The following COL25A1 variants were observed in gnomAD, a reference collection of about 807,000 sequenced individuals.
COL25A1 encodes the protein collagen type XXV alpha 1 chain, also known as collagen alpha-1(XXV) chain.
Under a neutral mutation model 128.4 loss-of-function variants are expected in COL25A1, and 103 were observed. The ratio of observed to expected loss-of-function variants is 0.80; its 90% confidence interval spans 0.68 to 0.94. The LOEUF is 0.94. Among genes scored for constraint, COL25A1 ranks in the 40% least tolerant of loss-of-function variants. COL25A1 has a pLI of 0.00. For synonymous variants in COL25A1, 279 were observed against 277.2 expected, an observed-to-expected ratio of 1.01 and a Z score of -0.06; for missense variants, 745 against 840.0, an observed-to-expected ratio of 0.89 and a Z score of 1.40.
intron 3 of COL25A1, among the ~76,000 whole-genome samples, chr4:109,260,136 T>C (rs1000937774): frequency 6.6e-6 from 1 of 152,226 alleles, no homozygotes; most frequent in African/African-American, 2.4e-5. Context: ...GCCTCCATTT[T>C]CTACATCAAT....
chr4:109,169,239 T>C (rs1277773583), intron 3 of COL25A1, among the ~76,000 whole-genome samples: 1 of 152,156 alleles, frequency 6.6e-6, no homozygotes, highest in Non-Finnish European at 1.5e-5. Flanking sequence ...CTTCTGTACA[T>C]ACAATTTACT....
At chr4:109,225,126 A>C (rs1778715527) in intron 3 of COL25A1, among the ~76,000 whole-genome samples, 1 of 152,200 alleles carries the variant, frequency 6.6e-6, no homozygotes, top group Non-Finnish European at 1.5e-5. Context: ...AGCTCTCATG[A>C]GGGTTAGACT....
intron 3 of COL25A1, among the ~76,000 whole-genome samples, chr4:109,079,690 A>T (rs981602467): frequency 2.0e-4 from 30 of 152,246 alleles, no homozygotes; most frequent in African/African-American, 6.5e-4. Context: ...TAAGAAAAAA[A>T]AATCTATCCA....
rs1773027208 is a variant in COL25A1 at position 109,165,891 on chromosome 4, T to C, written c.368-115712A>G. ...AGAAGAAGGCTTGTACATAAACAGTTGTTCAATATAAATGTTTATTGAGCT... is the reference window on the plus strand; with the variant it reads ...AGAAGAAGGCTTGTACATAAACAGTCGTTCAATATAAATGTTTATTGAGCT... On this transcript the variant is annotated intron_variant, in intron 3 of 37. Coordinates refer to ENST00000399132, the MANE Select transcript of COL25A1 (RefSeq NM_198721.4). Among the ~76,000 whole-genome samples, 4 of 152,198 alleles carry C rather than the reference T, an allele frequency of 2.6e-5. No homozygotes were observed. The South Asian group carries it at 8.3e-4, about 32-fold the overall frequency.
At chr4:108,893,104 G>T (rs1023401584) in intron 16 of COL25A1, among the ~76,000 whole-genome samples, 2 of 152,106 alleles carry the variant, frequency 1.3e-5, no homozygotes, top group Non-Finnish European at 2.9e-5. Context: ...AGTCAAAGAC[G>T]CATTTTCATA....
intron 3 of COL25A1, among the ~76,000 whole-genome samples, chr4:109,126,019 C>A (rs185724263): frequency 6.6e-6 from 1 of 151,974 alleles, no homozygotes; most frequent in African/African-American, 2.4e-5. Flanking sequence ...GCTTTTTACT[C>A]CTTCACCAAG....
chr4:109,300,842 T>C (rs1725445856), intron 2 of COL25A1, among the ~76,000 whole-genome samples, 190 bp from the exon 3 acceptor site: 1 of 152,202 alleles, frequency 6.6e-6, no homozygotes, highest in Non-Finnish European at 1.5e-5. Context: ...TGACCACTGA[T>C]AGGGTATCAA....
chr4:108,962,814 A>G (rs74697831), intron 8 of COL25A1, among the ~76,000 whole-genome samples: 54 of 152,276 alleles, frequency 3.5e-4, no homozygotes, highest in African/African-American at 1.2e-3. Context: ...GTTTCTCTCA[A>G]TATCAACATT....
intron 19 of COL25A1, among the ~76,000 whole-genome samples, chr4:108,876,395 T>G (rs1739460382): frequency 6.6e-6 from 1 of 152,068 alleles, no homozygotes; most frequent in Non-Finnish European, 1.5e-5. Flanking sequence ...CTTTCCACAT[T>G]ACCGTAAAAA....
At chr4:109,149,481 C>T (rs1771263023) in intron 3 of COL25A1, among the ~76,000 whole-genome samples, 1 of 151,990 alleles carries the variant, frequency 6.6e-6, no homozygotes, top group African/African-American at 2.4e-5. Context: ...CATAACAGTG[C>T]TGTGTACTGA....
chr4:109,216,634 G>A (rs754538077), intron 3 of COL25A1, among the ~76,000 whole-genome samples: 2 of 152,108 alleles, frequency 1.3e-5, no homozygotes, highest in Non-Finnish European at 2.9e-5. Context: ...GCCAAGAAAT[G>A]CCCGGTACTA....
intron 16 of COL25A1, 95 bp downstream of exon 16, chr4:108,896,572 C>A: frequency 1.0e-6 from 1 of 983,688 alleles, no homozygotes; most frequent in Non-Finnish European, 1.6e-6. Context: ...TATTAAGCAA[C>A]TCTCACTCAT....
At chr4:109,258,969 T>G (rs1302960350) in intron 3 of COL25A1, among the ~76,000 whole-genome samples, 1 of 152,224 alleles carries the variant, frequency 6.6e-6, no homozygotes, top group Non-Finnish European at 1.5e-5. Context: ...TCATTTTATG[T>G]GGCACTTATT....
intron 3 of COL25A1, among the ~76,000 whole-genome samples, chr4:109,122,095 A>G (rs535077053): frequency 1.8e-4 from 27 of 152,220 alleles, no homozygotes; most frequent in African/African-American, 6.3e-4. Flanking sequence ...GACAGCAAAA[A>G]GATTAGTAGC....
intron 3 of COL25A1, among the ~76,000 whole-genome samples, chr4:109,064,499 ATCTT>A (rs1253713722): frequency 1.3e-5 from 2 of 152,226 alleles, no homozygotes; most frequent in Non-Finnish European, 1.5e-5. Context: ...GGTTGTTTGT[ATCTT>A]TCTATCGATT....
intron 6 of COL25A1, among the ~76,000 whole-genome samples, chr4:109,008,036 T>C (rs906468094): frequency 2.0e-5 from 3 of 152,250 alleles, no homozygotes; most frequent in African/African-American, 7.2e-5. Flanking sequence ...CAAGTCTTTC[T>C]ATTCATATCT....
At chr4:109,285,224 C>T (rs779722580) in intron 3 of COL25A1, among the ~76,000 whole-genome samples, 7 of 152,256 alleles carry the variant, frequency 4.6e-5, no homozygotes, top group Admixed American at 1.3e-4. Context: ...TATCATAGTA[C>T]AGAGGTACTC....
At chr4:109,298,945 T>A (rs1411082328) in intron 3 of COL25A1, among the ~76,000 whole-genome samples, 2 of 152,176 alleles carry the variant, frequency 1.3e-5, no homozygotes, top group African/African-American at 4.8e-5. Context: ...CAAAATAATC[T>A]AAGATAATAT....
chr4:109,044,088 A>AGTGTGT (rs142400635), intron 5 of COL25A1, among the ~76,000 whole-genome samples: 3 of 149,564 alleles, frequency 2.0e-5, no homozygotes, highest in East Asian at 3.9e-4. Flanking sequence ...CTCCTCTGAT[A>AGTGTGT]GTGTGTGTGT....
Sources: gnomAD v4.1 joint callset for allele counts (sites outside exome capture counted in the v4.1 genomes callset) on GRCh38, gnomAD v4.1.1 for gene constraint, MANE v1.5 for transcripts, NCBI Gene and HGNC (gene_info 2026-07-23, HGNC 2026-07-21) for gene names.